C10orf90: variants seen among roughly 807,000 people sequenced by gnomAD.
C10orf90 encodes (E2-independent) E3 ubiquitin-conjugating enzyme FATS.
Under a neutral mutation model 62.5 loss-of-function variants are expected in C10orf90, and 56 were observed. The ratio of observed to expected loss-of-function variants is 0.90; its 90% CI spans 0.72 to 1.12. The LOEUF (loss-of-function observed/expected upper bound fraction) is 1.12. Ranked by LOEUF, C10orf90 falls within the 50% of genes most tolerant of loss-of-function variation. The probability of loss-of-function intolerance (pLI) is 0.00; values close to 1 mark genes in which losing one functional copy is unlikely to be tolerated. For synonymous variants in C10orf90, 386 were observed against 340.4 expected (o/e 1.13, Z -1.47); for missense variants, 970 against 880.4 (o/e 1.10, Z -1.29).
intron 2 of C10orf90, among the ~76,000 whole-genome samples, chr10:126,595,918 T>C (rs890108828): frequency 6.6e-6 from 1 of 151,792 alleles, no homozygotes; most frequent in African/African-American, 2.4e-5. Context: ...AGAAAAAAAA[T>C]AAACCTCAGC....
chr10:126,660,288 A>T (rs767565762), intron 1 of C10orf90, among the ~76,000 whole-genome samples: 9 of 152,236 alleles, frequency 5.9e-5, no homozygotes, highest in Admixed American at 1.3e-4. Flanking sequence ...TAATCAGTTG[A>T]CATTGAGTCA....
chr10:126,574,989 T>A (rs1591112537), intron 2 of C10orf90, among the ~76,000 whole-genome samples: 1 of 151,976 alleles, frequency 6.6e-6, no homozygotes, highest in South Asian at 2.1e-4. Context: ...TTATTCAACA[T>A]GCTACTCAAG....
intron 2 of C10orf90, among the ~76,000 whole-genome samples, chr10:126,625,496 G>A (rs149564388): frequency 4.7e-4 from 72 of 152,220 alleles, no homozygotes; most frequent in Non-Finnish European, 6.3e-4. Flanking sequence ...GGGAAACTCC[G>A]TCCAGAGTCG....
At chr10:126,495,373 GA>G (rs1404958907) in intron 4 of C10orf90, among the ~76,000 whole-genome samples, 10 of 152,184 alleles carry the variant, frequency 6.6e-5, no homozygotes, top group Non-Finnish European at 2.9e-5. Context: ...CTCTGGTTAA[GA>G]ACATCTTTTT....
intron 1 of C10orf90, among the ~76,000 whole-genome samples, chr10:126,654,736 TTAATCATTTCTAAAC>T (rs1440648869): frequency 2.6e-5 from 4 of 152,212 alleles, no homozygotes; most frequent in African/African-American, 7.2e-5. Flanking sequence ...CTCACTAAGC[TTAATCATTTCTAAAC>T]TAATCATTTC....
At chr10:126,601,673 C>T (rs989059447) in intron 2 of C10orf90, among the ~76,000 whole-genome samples, 5 of 152,216 alleles carry the variant, frequency 3.3e-5, no homozygotes, top group African/African-American at 4.8e-5. Context: ...CCCTAGAATT[C>T]AGAGGCTGAC....
intron 4 of C10orf90, chr10:126,470,054 G>T (rs1287259697): frequency 4.4e-6 from 2 of 455,962 alleles, no homozygotes; most frequent in Non-Finnish European, 8.8e-6. Flanking sequence ...CTGCAGAGAA[G>T]GAGGGAAGGT....
intron 2 of C10orf90, among the ~76,000 whole-genome samples, chr10:126,578,482 C>G (rs1477342077): frequency 1.3e-5 from 2 of 152,122 alleles, no homozygotes; most frequent in Admixed American, 6.5e-5. Context: ...TTGGAAAATG[C>G]CAAGTGTTAG....
intron 1 of C10orf90, among the ~76,000 whole-genome samples, chr10:126,669,645 AGTAATGT>A (rs1456371903): frequency 6.6e-6 from 1 of 151,766 alleles, no homozygotes; most frequent in East Asian, 1.9e-4. Flanking sequence ...TATGTTTCAG[AGTAATGT>A]GTTTATCTCA....
At chr10:126,615,315 A>C (rs1845518523) in intron 2 of C10orf90, among the ~76,000 whole-genome samples, 1 of 152,228 alleles carries the variant, frequency 6.6e-6, no homozygotes, top group Admixed American at 6.5e-5. Flanking sequence ...GGCCACTTCT[A>C]CAAAGACCTA....
At chr10:126,471,530 G>A (rs1159887027) in intron 4 of C10orf90, among the ~76,000 whole-genome samples, 1 of 152,158 alleles carries the variant, frequency 6.6e-6, no homozygotes, top group Non-Finnish European at 1.5e-5. Context: ...CAGGAAGGGA[G>A]AAACATAGTT....
intron 2 of C10orf90, among the ~76,000 whole-genome samples, chr10:126,529,927 T>C (rs1397529981): frequency 6.6e-6 from 1 of 152,232 alleles, no homozygotes; most frequent in Non-Finnish European, 1.5e-5. Flanking sequence ...AAAAAGCTGC[T>C]AATTATACTC....
intron 5 of C10orf90, among the ~76,000 whole-genome samples, chr10:126,462,516 A>G (rs1023565158): frequency 3.3e-5 from 5 of 152,176 alleles, no homozygotes; most frequent in Non-Finnish European, 7.3e-5. Context: ...ACGTCACTGC[A>G]GGGAACACAC....
chr10:126,642,344 AAC>A (rs1846078390), intron 2 of C10orf90, among the ~76,000 whole-genome samples: 1 of 152,108 alleles, frequency 6.6e-6, no homozygotes, highest in Non-Finnish European at 1.5e-5. Context: ...CATCCTGGCT[AAC>A]ATGGTGAAAC....
chr10:126,647,228 C>T (rs1272091460), intron 1 of C10orf90, among the ~76,000 whole-genome samples: 1 of 152,182 alleles, frequency 6.6e-6, no homozygotes, highest in Non-Finnish European at 1.5e-5. Context: ...TTTAGTGAGA[C>T]TCCAGAACAT....
Position 126,479,479 on chromosome 10 carries a change from G to C in C10orf90, c.1535-14493C>G, listed in dbSNP as rs561926240. 1.4e-4 allele frequency among the ~76,000 whole-genome samples: 21 copies of C among 152,334 alleles called. No homozygotes were observed. In the South Asian group the frequency reaches 4.3e-3, roughly 32 times the overall value. Reference sequence around the variant, plus strand: ...ATCCGGAGGGCGAGGAGCTGGGCCAGAGAAGGTGCTCCTGGGCGCTGAGCT... The same window carrying C: ...ATCCGGAGGGCGAGGAGCTGGGCCACAGAAGGTGCTCCTGGGCGCTGAGCT... On this transcript the variant is annotated intron_variant, in intron 4 of 9. Transcript: ENST00000488181.
chr10:126,539,764 T>C (rs1864331207), intron 2 of C10orf90, among the ~76,000 whole-genome samples: 1 of 152,252 alleles, frequency 6.6e-6, no homozygotes, highest in African/African-American at 2.4e-5. Context: ...GTTGCATGAC[T>C]TGTGAATTTT....
chr10:126,607,854 T>A (rs1383023601), intron 2 of C10orf90, among the ~76,000 whole-genome samples: 1 of 152,208 alleles, frequency 6.6e-6, no homozygotes, highest in Non-Finnish European at 1.5e-5. Flanking sequence ...AAGTATTACA[T>A]GTCTATTATG....
intron 2 of C10orf90, among the ~76,000 whole-genome samples, chr10:126,615,075 T>C (rs926862307): frequency 6.6e-6 from 1 of 152,212 alleles, no homozygotes; most frequent in African/African-American, 2.4e-5. Context: ...TGGAGCTCTC[T>C]TAGTGTTTTC....
Sources: allele counts gnomAD v4.1 joint callset (sites outside exome capture counted in the v4.1 genomes callset), GRCh38; gene constraint gnomAD v4.1.1; transcripts MANE v1.5; gene names NCBI Gene and HGNC (gene_info 2026-07-23, HGNC 2026-07-21).